NALCN: variants seen among roughly 807,000 people sequenced by gnomAD.
The protein encoded by NALCN is sodium leak channel, non-selective.
Under a neutral mutation model 225.3 loss-of-function variants are expected in NALCN, and 111 were observed. The observed-to-expected ratio is 0.49, with a 90% confidence interval of 0.42 to 0.58. NALCN has a LOEUF of 0.58. Among genes scored for constraint, NALCN ranks in the 20% least tolerant of loss-of-function variants. NALCN has a pLI of 0.00. For synonymous variants in NALCN, 764 were observed against 769.0 expected (o/e 0.99, Z 0.11); for missense variants, 1,378 against 2,202.4 (o/e 0.63, Z 7.49).
intron 10 of NALCN, among the ~76,000 whole-genome samples, chr13:101,265,802 C>T (rs1168842617): frequency 6.6e-6 from 1 of 152,042 alleles, no homozygotes; most frequent in East Asian, 1.9e-4. Context: ...GAGCCCAAAC[C>T]AGGTAGTCTC....
chr13:101,233,602 A>G lies in NALCN; in HGVS notation c.1435-4018T>C, dbSNP rs77529917. ...TGATCCACCCGCCTCGGCCTCCCAA[A>G]GTGCTGGGATTACAGGTGTGAGCCA... On this transcript the variant is annotated intron_variant, in intron 12 of 43. Coordinates refer to ENST00000251127, the MANE Select transcript of NALCN (RefSeq NM_052867.4). Among the ~76,000 whole-genome samples the G allele has an allele frequency of 3.9e-5, 6 of 152,204 alleles. No individual in the cohort carries two copies. In the East Asian group the frequency reaches 1.2e-3, roughly 29 times the overall value.
chr13:101,170,497 G>T (rs2139910665), intron 15 of NALCN, among the ~76,000 whole-genome samples: 1 of 152,264 alleles, frequency 6.6e-6, no homozygotes, highest in Admixed American at 6.5e-5. Context: ...CCAGCTATCT[G>T]GGCATCCCTT....
chr13:101,279,589 G>T (rs1189230993), intron 10 of NALCN, among the ~76,000 whole-genome samples: 2 of 151,818 alleles, frequency 1.3e-5, no homozygotes, highest in Non-Finnish European at 2.9e-5. Flanking sequence ...GGCCGAGGCG[G>T]GCGGATCACG....
At chr13:101,079,810 C>T (rs1032837516) in intron 34 of NALCN, among the ~76,000 whole-genome samples, 4 of 152,174 alleles carry the variant, frequency 2.6e-5, no homozygotes, top group Non-Finnish European at 5.9e-5. Context: ...TTCATACAGC[C>T]CCTGATGCTG....
intron 17 of NALCN, among the ~76,000 whole-genome samples, chr13:101,126,139 C>A (rs1025197826): frequency 2.6e-5 from 4 of 152,168 alleles, no homozygotes; most frequent in African/African-American, 9.7e-5. Context: ...ACCAGAGTAA[C>A]AAACAGGTCT....
At chr13:101,310,394 C>T (rs2044299477) in intron 7 of NALCN, among the ~76,000 whole-genome samples, 1 of 152,100 alleles carries the variant, frequency 6.6e-6, no homozygotes, top group Admixed American at 6.6e-5. Context: ...GAGCATGGGG[C>T]ATGCTTCCTT....
At chr13:101,083,659 G>T in intron 31 of NALCN, 52 bp downstream of exon 31, 15 of 1,533,354 alleles carry the variant, frequency 9.8e-6, no homozygotes, top group Admixed American at 1.8e-5. Flanking sequence ...GACTCCTGGG[G>T]AATCGTGCAC....
At chr13:101,411,164 G>A in intron 1 of NALCN, among the ~76,000 whole-genome samples, 1 of 151,956 alleles carries the variant, frequency 6.6e-6, no homozygotes, top group East Asian at 1.9e-4. Context: ...CTATGTCATA[G>A]TGAATTCATT....
intron 37 of NALCN, among the ~76,000 whole-genome samples, chr13:101,070,417 C>T (rs1017309709): frequency 6.6e-6 from 1 of 152,180 alleles, no homozygotes; most frequent in Non-Finnish European, 1.5e-5. Flanking sequence ...AGAAGGTTTT[C>T]AATATACTTT....
At chr13:101,094,599 C>T (rs112848359) in intron 28 of NALCN, among the ~76,000 whole-genome samples, 18 of 151,988 alleles carry the variant, frequency 1.2e-4, no homozygotes, top group African/African-American at 4.3e-4. Flanking sequence ...CCAGGATATT[C>T]TCATGTCTCA....
chr13:101,190,543 G>A (rs900278896), intron 14 of NALCN, among the ~76,000 whole-genome samples: 16 of 152,110 alleles, frequency 1.1e-4, no homozygotes, highest in South Asian at 4.1e-4. Flanking sequence ...CCTATCTTTC[G>A]CGTAACTTTT....
Position 101,397,066 on chromosome 13 carries a change from TTATATATATATATATATATA to T in NALCN, c.109-1721_109-1702del, listed in dbSNP as rs368771604. ...AAGAAGTAAAACACCTATGAATGTA[TTATATATATATATATATATA>T]TATATATATATATATATATATATAC... is the stretch of plus-strand genomic sequence containing the variant. On this transcript the variant is annotated intron_variant, in intron 2 of 43. Coordinates refer to ENST00000251127, the MANE Select transcript of NALCN (RefSeq NM_052867.4). Among the ~76,000 whole-genome samples, 69 of 56,388 alleles carry T rather than the reference TTATATATATATATATATATA, an allele frequency of 1.2e-3. 4 individuals carry two copies. Among genetic ancestry groups the T allele is most frequent in the South Asian group, 0.01 (18 of 1,752 alleles). The allele number at this position is 56,388 out of a possible 152,430, so 37.0% of individuals were successfully genotyped here.
chr13:101,393,947 T>C (rs2047213704), intron 3 of NALCN, among the ~76,000 whole-genome samples: 1 of 152,226 alleles, frequency 6.6e-6, no homozygotes, highest in Non-Finnish European at 1.5e-5. Flanking sequence ...CATTAAGGAA[T>C]TATTGCTAAG....
rs895126647 is a variant in NALCN at position 101,104,026 on chromosome 13, C to A, written c.2889+269G>T. Among the ~76,000 whole-genome samples, 2 of 151,780 alleles carry A rather than the reference C, an allele frequency of 1.3e-5. No individual in the cohort carries two copies. The highest frequency in any genetic ancestry group is 2.9e-5 in the Non-Finnish European group (2 of 67,972). ...TGCAAACTAGATTTGCCATGTTAGA[C>A]CTTATTAATGTATGTCTCATTCATA... On this transcript the variant is annotated intron_variant, in intron 25 of 43. Transcript: ENST00000251127. The surrounding 1 kb of genome is among the most constrained non-coding windows in gnomAD (Gnocchi z 4.2).
intron 35 of NALCN, among the ~76,000 whole-genome samples, chr13:101,075,176 G>T (rs2033171025): frequency 6.6e-6 from 1 of 152,048 alleles, no homozygotes; most frequent in African/African-American, 2.4e-5. Context: ...AATAAAAAAG[G>T]AAACAGCATT....
chr13:101,133,800 A>G (rs2036629608), intron 17 of NALCN, among the ~76,000 whole-genome samples: 1 of 152,232 alleles, frequency 6.6e-6, no homozygotes, highest in Non-Finnish European at 1.5e-5. Context: ...TACCATTATA[A>G]TATCATGTTA....
At chr13:101,259,751 T>TATATAC (rs10622707) in intron 10 of NALCN, among the ~76,000 whole-genome samples, 42 of 131,948 alleles carry the variant, frequency 3.2e-4, no homozygotes, top group East Asian at 1.1e-3. Flanking sequence ...TATATATATA[T>TATATAC]ACACACACAC....
At chr13:101,057,696 G>T (rs765115461) in intron 43 of NALCN, 7 of 518,810 alleles carry the variant, frequency 1.3e-5, no homozygotes, top group Non-Finnish European at 2.4e-5. Context: ...TTTCATAGGT[G>T]CTGGCTTCTC....
At chr13:101,113,721 A>G (rs1010510909) in intron 18 of NALCN, among the ~76,000 whole-genome samples, 5 of 152,264 alleles carry the variant, frequency 3.3e-5, no homozygotes, top group African/African-American at 1.2e-4. Flanking sequence ...CTGAAAAGTA[A>G]CATGAAATGA....
Sources: allele counts gnomAD v4.1 joint callset (sites outside exome capture counted in the v4.1 genomes callset), GRCh38; gene constraint gnomAD v4.1.1; non-coding constraint Gnocchi (gnomAD v3.1); transcripts MANE v1.5; gene names NCBI Gene and HGNC (gene_info 2026-07-23, HGNC 2026-07-21).